SLC16A10: variants seen among roughly 807,000 people sequenced by gnomAD.
The protein encoded by SLC16A10 is monocarboxylate transporter 10.
SLC16A10 carries 27 observed loss-of-function variants against 40.0 expected under a neutral mutation model. That is an observed-to-expected ratio of 0.67 (90% confidence interval 0.50 to 0.93). SLC16A10 has a LOEUF of 0.93. Among genes scored for constraint, SLC16A10 ranks in the 40% least tolerant of loss-of-function variants. The probability of loss-of-function intolerance (pLI) is 0.00; values close to 1 mark genes in which losing one functional copy is unlikely to be tolerated. For synonymous variants in SLC16A10, 213 were observed against 249.8 expected, an observed-to-expected ratio of 0.85 and a Z score of 1.39; for missense variants, 529 against 658.2, an observed-to-expected ratio of 0.80 and a Z score of 2.15.
intron 3 of SLC16A10, among the ~76,000 whole-genome samples, chr6:111,193,707 A>C (rs1334597654): frequency 1.3e-5 from 2 of 152,230 alleles, no homozygotes; most frequent in South Asian, 4.1e-4. Flanking sequence ...TGATTCATGG[A>C]TTACTCAGGG....
Position 111,222,072 on chromosome 6 carries a change from G to A in SLC16A10, c.1385G>A (p.Gly462Glu). 6.2e-7 allele frequency: 1 copy of A among 1,610,746 alleles called. No homozygotes were observed. The highest frequency in any genetic ancestry group is 2.2e-5 in the East Asian group (1 of 44,758). ...CTCGCTGGAGTCCCTCCCCTTATTGGAGGTGCTGTGCTTTGTTTTATCCCG... is the reference window on the plus strand; with the variant it reads ...CTCGCTGGAGTCCCTCCCCTTATTGAAGGTGCTGTGCTTTGTTTTATCCCG... ...FYLAGVPPLI[G>E]GAVLCFIPWI... Residue 462 changes from glycine to glutamate, a missense_variant, in exon 6 of 6, where the codon GGA becomes GAA. Physicochemically the swap from Gly to Glu is moderately conservative, Grantham distance 98. Coordinates refer to ENST00000368851, the MANE Select transcript of SLC16A10 (RefSeq NM_018593.5).
intron 1 of SLC16A10, among the ~76,000 whole-genome samples, chr6:111,100,745 A>G (rs1445464641): frequency 4.6e-5 from 7 of 151,972 alleles, no homozygotes; most frequent in African/African-American, 1.5e-4. Flanking sequence ...AGCTTTCCTT[A>G]AAGAATACAC....
intron 1 of SLC16A10, among the ~76,000 whole-genome samples, chr6:111,100,992 C>CTCTCTCTATATA (rs1410556945): frequency 3.0e-5 from 2 of 66,424 alleles, no homozygotes; most frequent in African/African-American, 1.3e-4. Flanking sequence ...CTCTCTCTCT[C>CTCTCTCTATATA]TATATATATA....
chr6:111,170,201 C>T (rs1042107068), intron 1 of SLC16A10, among the ~76,000 whole-genome samples: 7 of 151,954 alleles, frequency 4.6e-5, no homozygotes, highest in South Asian at 4.1e-4. Flanking sequence ...CAGGTGTGAG[C>T]CACCATGCCC....
chr6:111,207,280 T>C (rs1000537590), intron 4 of SLC16A10, among the ~76,000 whole-genome samples: 1 of 152,232 alleles, frequency 6.6e-6, no homozygotes, highest in Non-Finnish European at 1.5e-5. Context: ...CATTGCTTTT[T>C]CTATGAAGAA....
chr6:111,115,041 G>A (rs1303025398), intron 1 of SLC16A10, among the ~76,000 whole-genome samples: 1 of 151,846 alleles, frequency 6.6e-6, no homozygotes, highest in Admixed American at 6.6e-5. Context: ...TTTTTAAATA[G>A]TATTTAATTG....
intron 1 of SLC16A10, among the ~76,000 whole-genome samples, chr6:111,101,271 A>G (rs1025815103): frequency 3.3e-5 from 5 of 151,756 alleles, no homozygotes; most frequent in African/African-American, 9.7e-5. Context: ...GGCTCAAGCA[A>G]TCTGTCCACC....
At chr6:111,203,718 T>A (rs1409828026) in intron 3 of SLC16A10, among the ~76,000 whole-genome samples, 3 of 30,188 alleles carry the variant, frequency 9.9e-5, no homozygotes, top group African/African-American at 2.8e-4. Context: ...AAACCCCATC[T>A]CAAATAAATA....
At chr6:111,191,661 C>T (rs536891896) in intron 3 of SLC16A10, among the ~76,000 whole-genome samples, 2 of 152,166 alleles carry the variant, frequency 1.3e-5, no homozygotes, top group Admixed American at 6.5e-5. Context: ...TTTTATTTCT[C>T]CACATCCTCT....
intron 1 of SLC16A10, among the ~76,000 whole-genome samples, chr6:111,132,767 A>G (rs927088474): frequency 6.6e-5 from 10 of 152,200 alleles, no homozygotes; most frequent in African/African-American, 2.4e-4. Flanking sequence ...TCTAGGAGGA[A>G]CTCCCTTCAG....
At chr6:111,158,077 A>T (rs1454104501) in intron 1 of SLC16A10, among the ~76,000 whole-genome samples, 1 of 152,122 alleles carries the variant, frequency 6.6e-6, no homozygotes, top group African/African-American at 2.4e-5. Flanking sequence ...TTAATGTTTT[A>T]AAAGAGCTAT....
intron 1 of SLC16A10, among the ~76,000 whole-genome samples, chr6:111,172,213 A>G (rs1383839180): frequency 6.6e-6 from 1 of 152,212 alleles, no homozygotes; most frequent in Non-Finnish European, 1.5e-5. Flanking sequence ...AATATGACTC[A>G]TGTCTGTTTT....
intron 1 of SLC16A10, among the ~76,000 whole-genome samples, chr6:111,097,077 C>G (rs1354789512): frequency 6.6e-6 from 1 of 152,154 alleles, no homozygotes; most frequent in Non-Finnish European, 1.5e-5. Context: ...CAACCTCAGG[C>G]TCCCAGAGTG....
At chr6:111,094,694 G>A (rs1771042198) in intron 1 of SLC16A10, among the ~76,000 whole-genome samples, 1 of 152,050 alleles carries the variant, frequency 6.6e-6, no homozygotes. Context: ...CTGGAGTGCA[G>A]TGGCATGATC....
At chr6:111,140,732 T>C (rs1371896250) in intron 1 of SLC16A10, among the ~76,000 whole-genome samples, 1 of 152,250 alleles carries the variant, frequency 6.6e-6, no homozygotes, top group African/African-American at 2.4e-5. Flanking sequence ...TTTAATGTTA[T>C]GGCATTAAAT....
rs567015401 is a variant in SLC16A10 at position 111,201,839 on chromosome 6, G to A, written c.943-4753G>A. Among the ~76,000 whole-genome samples, 7 of 152,282 alleles carry A rather than the reference G, an allele frequency of 4.6e-5. No homozygotes were observed. In the South Asian group the frequency reaches 1.4e-3, roughly 32 times the overall value. Reference sequence around the variant, plus strand: ...CCCTTCTGTTGAGCATTCTTCTATCGTGAAACCATTTGGTGATGAGAAGCT... The same window carrying A: ...CCCTTCTGTTGAGCATTCTTCTATCATGAAACCATTTGGTGATGAGAAGCT... On this transcript the variant is annotated intron_variant, in intron 3 of 5. Transcript: ENST00000368851.
rs574234638 is a variant in SLC16A10 at position 111,161,142 on chromosome 6, G to A, written c.344-11553G>A. 4.2e-4 allele frequency among the ~76,000 whole-genome samples: 57 copies of A among 136,538 alleles called. 1 individual carries two copies. Among genetic ancestry groups the A allele is most frequent in the South Asian group, 1.4e-3 (6 of 4,138 alleles). The allele number at this position is 136,538 out of a possible 152,430, so 89.6% of individuals were successfully genotyped here. Reference sequence around the variant, plus strand: ...GTAGACTGAGGCAGAAGAATTGCTGGAACCTGGGAGGCAGAGGTTGCAGTG... The same window carrying A: ...GTAGACTGAGGCAGAAGAATTGCTGAAACCTGGGAGGCAGAGGTTGCAGTG... On this transcript the variant is annotated intron_variant, in intron 1 of 5. Coordinates refer to ENST00000368851, the MANE Select transcript of SLC16A10 (RefSeq NM_018593.5).
At chr6:111,148,176 A>G (rs904805686) in intron 1 of SLC16A10, among the ~76,000 whole-genome samples, 9 of 152,078 alleles carry the variant, frequency 5.9e-5, no homozygotes, top group African/African-American at 2.2e-4. Context: ...CTTTCTCCTA[A>G]GCTATTTTTT....
At chr6:111,167,621 G>GTTAT (rs58079056) in intron 1 of SLC16A10, among the ~76,000 whole-genome samples, 74,445 of 149,312 alleles carry the variant, frequency 0.5, 20,879 homozygotes, top group East Asian at 0.88. Context: ...GGGCTCGATT[G>GTTAT]TTATTTATTT....
Sources: gnomAD v4.1 joint callset for allele counts (sites outside exome capture counted in the v4.1 genomes callset) on GRCh38, gnomAD v4.1.1 for gene constraint, MANE v1.5 for transcripts, NCBI Gene and HGNC (gene_info 2026-07-23, HGNC 2026-07-21) for gene names.